Variants in SUGCT observed in about 807,000 individuals in gnomAD.
SUGCT encodes the protein succinyl-CoA:glutarate-CoA transferase, also known as succinyl-CoA:glutarate CoA-transferase.
A neutral mutation model predicts 55.0 loss-of-function variants in SUGCT; 41 were observed. The ratio of observed to expected loss-of-function variants is 0.74; its 90% confidence interval spans 0.58 to 0.97. The LOEUF (loss-of-function observed/expected upper bound fraction) is 0.97. SUGCT is among the 50% of genes least tolerant of loss of function. The pLI is 0.00. For missense variants in SUGCT, 568 were observed against 547.8 expected (o/e 1.04, Z -0.37); for synonymous variants, 187 against 200.4 (o/e 0.93, Z 0.56).
chr7:40,794,450 T>C (rs74599109), intron 13 of SUGCT, among the ~76,000 whole-genome samples: 62 of 152,290 alleles, frequency 4.1e-4, no homozygotes, highest in African/African-American at 1.4e-3. Flanking sequence ...ATGTATTTTA[T>C]TTATAGTTCA....
the SUGCT span, among the ~76,000 whole-genome samples, chr7:40,963,267 C>CA: frequency 6.6e-6 from 1 of 151,940 alleles, no homozygotes; most frequent in African/African-American, 2.4e-5. Flanking sequence ...TGGAGACTAT[C>CA]ATCAGGCTCT....
intron 8 of SUGCT, among the ~76,000 whole-genome samples, chr7:40,276,304 TG>T (rs1231738222): frequency 6.6e-6 from 1 of 152,146 alleles, no homozygotes; most frequent in Non-Finnish European, 1.5e-5. Context: ...AATTTTAAGC[TG>T]TAAGGAACCT....
chr7:40,642,786 G>A (rs546177183), intron 12 of SUGCT, among the ~76,000 whole-genome samples: 65 of 152,180 alleles, frequency 4.3e-4, no homozygotes, highest in African/African-American at 1.5e-3. Flanking sequence ...TGCAGTAGCC[G>A]AATTGGTTTT....
intron 12 of SUGCT, among the ~76,000 whole-genome samples, chr7:40,745,028 A>G (rs567486644): frequency 4.6e-5 from 7 of 152,310 alleles, no homozygotes; most frequent in African/African-American, 1.7e-4. Context: ...TTCTAATTAC[A>G]TACATTTTTA....
At chr7:40,730,956 T>C (rs1411877503) in intron 12 of SUGCT, among the ~76,000 whole-genome samples, 1 of 152,200 alleles carries the variant, frequency 6.6e-6, no homozygotes, top group Non-Finnish European at 1.5e-5. Flanking sequence ...GTATTGTGAA[T>C]AATGCTTCAA....
At chr7:40,641,025 T>C (rs1327007912) in intron 12 of SUGCT, among the ~76,000 whole-genome samples, 3 of 152,232 alleles carry the variant, frequency 2.0e-5, no homozygotes, top group African/African-American at 7.2e-5. Context: ...AATAGCCTTT[T>C]ATCCCTGTTT....
intron 12 of SUGCT, among the ~76,000 whole-genome samples, chr7:40,738,189 T>G: frequency 8.5e-6 from 1 of 118,124 alleles, no homozygotes; most frequent in Non-Finnish European, 1.6e-5. Flanking sequence ...AGAGCGAGAC[T>G]CCATCTTAAA....
At chr7:40,735,063 C>A (rs1246814368) in intron 12 of SUGCT, among the ~76,000 whole-genome samples, 1 of 152,194 alleles carries the variant, frequency 6.6e-6, no homozygotes, top group Non-Finnish European at 1.5e-5. Flanking sequence ...GTGAAGACAG[C>A]ACACACAAAA....
chr7:40,290,701 C>T (rs1793684126), intron 8 of SUGCT, among the ~76,000 whole-genome samples: 1 of 152,030 alleles, frequency 6.6e-6, no homozygotes, highest in African/African-American at 2.4e-5. Context: ...AAGAAACTAC[C>T]ATCAGAGTGA....
At chr7:40,213,295 T>G (rs1787448392) in intron 6 of SUGCT, among the ~76,000 whole-genome samples, 1 of 152,168 alleles carries the variant, frequency 6.6e-6, no homozygotes, top group Non-Finnish European at 1.5e-5. Flanking sequence ...AGTTTCTCAG[T>G]CTTTCCTTGT....
At chr7:40,770,071 C>T (rs1023365155) in intron 13 of SUGCT, among the ~76,000 whole-genome samples, 5 of 152,146 alleles carry the variant, frequency 3.3e-5, no homozygotes, top group African/African-American at 1.2e-4. Flanking sequence ...CATGATTAAG[C>T]TTGATACTTT....
chr7:40,199,188 T>C (rs939928229), intron 6 of SUGCT, among the ~76,000 whole-genome samples: 1 of 152,148 alleles, frequency 6.6e-6, no homozygotes. Context: ...CACTCACATG[T>C]TGGCCCTATT....
chr7:40,425,397 A>T (rs909624690), intron 9 of SUGCT, among the ~76,000 whole-genome samples: 1 of 151,980 alleles, frequency 6.6e-6, no homozygotes, highest in Non-Finnish European at 1.5e-5. Context: ...GCTGGAAGGG[A>T]CTTGTCTAAC....
the SUGCT span, among the ~76,000 whole-genome samples, chr7:40,989,257 T>C: frequency 6.6e-6 from 1 of 152,214 alleles, no homozygotes; most frequent in African/African-American, 2.4e-5. Flanking sequence ...TTTCATAGCA[T>C]TTTACTCACA....
chr7:40,418,240 T>A lies in SUGCT; in HGVS notation c.817-31047T>A, dbSNP rs188146129. The stretch of plus-strand genomic sequence containing the variant: ...TTCCTGATTGTTTGATTGCAAGGAG[T>A]CCCTCAGTAAAAGGAGGTTTACTGT... On this transcript the variant is annotated intron_variant, in intron 9 of 13. Transcript: ENST00000335693. Among the ~76,000 whole-genome samples, 319 of 152,168 alleles carry A rather than the reference T, an allele frequency of 2.1e-3. 3 individuals are homozygous for A. Among genetic ancestry groups the A allele is most frequent in the African/African-American group, 7.3e-3 (303 of 41,510 alleles).
chr7:40,897,194 A>G, the SUGCT span, among the ~76,000 whole-genome samples: 1 of 152,196 alleles, frequency 6.6e-6, no homozygotes, highest in African/African-American at 2.4e-5. Flanking sequence ...CACACCACAT[A>G]CAAAAATCAA....
the SUGCT span, among the ~76,000 whole-genome samples, chr7:40,869,894 T>G: frequency 1.3e-5 from 2 of 152,200 alleles, no homozygotes; most frequent in African/African-American, 2.4e-5. Flanking sequence ...ATTTCAGAGG[T>G]GATTTTGGAT....
At chr7:40,203,377 A>G (rs1041877031) in intron 6 of SUGCT, among the ~76,000 whole-genome samples, 4 of 152,190 alleles carry the variant, frequency 2.6e-5, no homozygotes, top group African/African-American at 9.7e-5. Context: ...ACATTCTTTA[A>G]AGCAAATTTT....
chr7:40,179,304 T>C (rs1349994318), intron 1 of SUGCT, among the ~76,000 whole-genome samples: 4 of 152,156 alleles, frequency 2.6e-5, no homozygotes, highest in Non-Finnish European at 5.9e-5. Flanking sequence ...TTCTTTCTTT[T>C]TTTTTTTTAA....
Sources: gnomAD v4.1 joint callset for allele counts (sites outside exome capture counted in the v4.1 genomes callset) on GRCh38, gnomAD v4.1.1 for gene constraint, MANE v1.5 for transcripts, NCBI Gene and HGNC (gene_info 2026-07-23, HGNC 2026-07-21) for gene names.